SETD1A: variants seen among roughly 807,000 people sequenced by gnomAD.
SETD1A encodes the protein histone-lysine N-methyltransferase SETD1A.
Under a neutral mutation model 149.9 loss-of-function variants are expected in SETD1A, and 29 were observed. The observed-to-expected ratio is 0.19, with a 90% confidence interval of 0.14 to 0.26. The LOEUF (loss-of-function observed/expected upper bound fraction) is 0.26. Among genes scored for constraint, SETD1A ranks in the 10% least tolerant of loss-of-function variants. The pLI, the probability that SETD1A is intolerant of heterozygous loss-of-function variation, is 1.00. For missense variants in SETD1A, 2,109 were observed against 2,353.1 expected, an observed-to-expected ratio of 0.90 and a Z score of 2.15; for synonymous variants, 1,141 against 968.5, an observed-to-expected ratio of 1.18 and a Z score of -3.31.
rs200829181 is a variant in SETD1A, at chr16:30,964,281, G to C, written c.827G>C (p.Arg276Pro). 6.2e-7 allele frequency: 1 copy of C among 1,613,988 alleles called. No homozygotes were observed. Reference sequence around the variant, plus strand: ...TCCCAAGGAACCCCCTACACGTCTCGGGGCAGCACCCCCTACTCTCAGGAC... The same window carrying C: ...TCCCAAGGAACCCCCTACACGTCTCCGGGCAGCACCCCCTACTCTCAGGAC... Reference protein sequence around the residue: ...QSSQGTPYTSRGSTPYSQDSA... With the variant: ...QSSQGTPYTSPGSTPYSQDSA... The change falls in exon 6 of 19, where the codon CGG becomes CCG. Residue 276 changes from arginine to proline, a missense_variant. By Grantham distance (103) the Arg-to-Pro change is moderately radical. Coordinates refer to ENST00000262519, the MANE Select transcript of SETD1A (RefSeq NM_014712.3).
At position 30,964,414 on chromosome 16, in the gene SETD1A, G is replaced by T. The variant is rs2056105167; in HGVS notation, c.869+91G>T. 3 of 1,343,778 alleles carry T rather than the reference G, an allele frequency of 2.2e-6. No homozygotes were observed. The East Asian group carries it at 7.1e-5, about 32-fold the overall frequency. 83.2% of individuals were successfully genotyped at this position (1,343,778 alleles called of 1,614,324 possible). ...GCCCAGAGTCTGTCTCCAAGAGGGA[G>T]TTGGAAATAATTTGTCCTAGTTTCT... On this transcript the variant is annotated intron_variant, in intron 6 of 18. Transcript: ENST00000262519.
intron 5 of SETD1A, 50 bp from the exon 6 acceptor site, chr16:30,964,044 A>G: frequency 1.4e-6 from 2 of 1,434,574 alleles, no homozygotes; most frequent in Non-Finnish European, 1.9e-6. Flanking sequence ...GCAGGTCTCA[A>G]GTGGTGTTTG....
rs947890440 is a variant in SETD1A at position 30,979,167 on chromosome 16, C to T, written c.3381C>T (p.Pro1127=). 4 of 1,577,750 alleles carry T rather than the reference C, an allele frequency of 2.5e-6. No homozygotes were observed. The highest frequency in any genetic ancestry group is 2.6e-6 in the Non-Finnish European group (3 of 1,162,348). ...RPAGPTEESP[P]SAPLRPPEPP... is the part of the protein sequence containing the mutation. ...CAGGCCCCACGGAGGAGTCACCCCC[C>T]AGTGCGCCTCTGCGTCCCCCAGAAC... Residue 1127 remains proline, a synonymous_variant, in exon 14 of 19, where the codon CCC becomes CCT. Transcript: ENST00000262519.
At position 30,963,423 on chromosome 16, in the gene SETD1A, C is replaced by T. The variant is rs188466719; in HGVS notation, c.518-10C>T. 9.8e-3 allele frequency: 15,560 copies of T among 1,588,202 alleles called. 89 individuals carry two copies. Among genetic ancestry groups the T allele is most frequent in the Non-Finnish European group, 0.012 (13,852 of 1,167,248 alleles). ...CATCTGACAATTGGTTCCCATTTCC[C>T]TCCCTCCAGGACAACAACGAATGAA... On this transcript the variant is annotated splice_polypyrimidine_tract_variant and intron_variant, in intron 4 of 18. Coordinates refer to ENST00000262519, the MANE Select transcript of SETD1A (RefSeq NM_014712.3).
rs1196395076 is a variant in SETD1A, at chr16:30,961,498, G to A, written c.478G>A (p.Val160Ile). ...GGTCAAAAACCTCCACCTTACCTCC[G>A]TCATGGGCAACATCATCCATGCCCA... Reference protein sequence around the residue: ...ETVKNLHLTSVMGNIIHAQLD... With the variant: ...ETVKNLHLTSIMGNIIHAQLD... Residue 160 changes from valine to isoleucine, a missense_variant, in exon 4 of 19, where the codon GTC (valine) becomes ATC (isoleucine). Val to Ile is a conservative substitution (Grantham distance 29). This residue lies in a region of SETD1A where 62 missense variants were observed against 149.5 expected (regional missense o/e 0.41). Coordinates refer to ENST00000262519, the MANE Select transcript of SETD1A (RefSeq NM_014712.3). This position sits in a 1 kb window ranked among gnomAD's most constrained non-coding sequence, Gnocchi z 4.0. 5.0e-6 allele frequency: 8 copies of A among 1,614,014 alleles called. No individual in the cohort carries two copies. Among genetic ancestry groups the A allele is most frequent in the Admixed American group, 1.7e-5 (1 of 60,006 alleles).
At chr16:30,968,482 A>G (rs1178401045) in intron 10 of SETD1A, among the ~76,000 whole-genome samples, 1 of 151,236 alleles carries the variant, frequency 6.6e-6, no homozygotes, top group Admixed American at 6.6e-5. Context: ...ACACACACAT[A>G]TATATATACA....
intron 10 of SETD1A, among the ~76,000 whole-genome samples, chr16:30,968,805 A>G (rs1436639820): frequency 6.6e-6 from 1 of 151,610 alleles, no homozygotes; most frequent in South Asian, 2.1e-4. Context: ...GTCTCAAAAA[A>G]AAAAATATAT....
rs1416893118 is a variant in SETD1A, at chr16:30,980,254, C to T, written c.4408+60C>T. The T allele has an allele frequency of 2.0e-6, 3 of 1,521,888 alleles. No homozygotes were observed. The African/African-American group carries it at 4.1e-5, about 21-fold the overall frequency. The allele number at this position is 1,521,888 out of a possible 1,614,324, so 94.3% of individuals were successfully genotyped here. On this transcript the variant is annotated intron_variant, in intron 14 of 18. Transcript: ENST00000262519. This position sits in a 1 kb window ranked among gnomAD's most constrained non-coding sequence, Gnocchi z 7.7. ...GGTCCTCCCCCGACCCCTCCAGGCACCTGCATCTGTGCCCCACTCTGTCTG... is the reference window on the plus strand; with the variant it reads ...GGTCCTCCCCCGACCCCTCCAGGCATCTGCATCTGTGCCCCACTCTGTCTG...
At chr16:30,981,210 C>G (rs1205238042) in intron 17 of SETD1A, 30 bp downstream of exon 17, 1 of 1,612,358 alleles carries the variant, frequency 6.2e-7, no homozygotes, top group Non-Finnish European at 8.5e-7. Flanking sequence ...CCCGCCCCGG[C>G]TTCTGATGCA....
Position 30,967,196 on chromosome 16 carries a change from C to T in SETD1A, c.2682+136C>T, listed in dbSNP as rs1052294477. 4 of 695,824 alleles carry T rather than the reference C, an allele frequency of 5.7e-6. No individual in the cohort carries two copies. The Admixed American group carries it at 9.2e-5, about 16-fold the overall frequency. 43.1% of individuals were successfully genotyped at this position (695,824 alleles called of 1,614,324 possible). On this transcript the variant is annotated intron_variant, in intron 9 of 18. Coordinates refer to ENST00000262519, the MANE Select transcript of SETD1A (RefSeq NM_014712.3). The stretch of plus-strand genomic sequence containing the variant: ...TGAGATGGAGTCTTACTCTGTTGCC[C>T]AGGCTGGAGTGCAGTGGCCTGATCT...
rs145879879 is a variant in SETD1A, at chr16:30,964,153, G to A, written c.699G>A (p.Ala233=). The change falls in exon 6 of 19, where the codon GCG becomes GCA. Residue 233 remains alanine (A), a synonymous_variant. Coordinates refer to ENST00000262519, the MANE Select transcript of SETD1A (RefSeq NM_014712.3). ...CTGCCTACCCAGCAGGCACCACTGC[G>A]GTGGGCACTCCTGGCAACGGCACCC... ...DTAAYPAGTT[A]VGTPGNGTPC... 4.0e-5 allele frequency: 65 copies of A among 1,614,020 alleles called. No homozygotes were observed. The African/African-American group carries it at 5.2e-4, about 13-fold the overall frequency.
intron 6 of SETD1A, 56 bp downstream of exon 6, chr16:30,964,379 G>A (rs1453075963): frequency 7.0e-7 from 1 of 1,437,056 alleles, no homozygotes; most frequent in East Asian, 2.3e-5. Flanking sequence ...GCTGCCACTG[G>A]GAAGAAGATG....
chr16:30,972,198 C>T (rs1010945605), intron 13 of SETD1A, among the ~76,000 whole-genome samples: 10 of 152,154 alleles, frequency 6.6e-5, no homozygotes, highest in East Asian at 3.9e-4. Context: ...CTGAGGGAAC[C>T]GCTCTTTCAA....
intron 17 of SETD1A, among the ~76,000 whole-genome samples, chr16:30,981,829 T>G (rs1311172052): frequency 6.6e-6 from 1 of 152,130 alleles, no homozygotes; most frequent in Non-Finnish European, 1.5e-5. Flanking sequence ...TACATGGCTG[T>G]GGTCCCAGCT....
chr16:30,967,153 T>C lies in SETD1A; in HGVS notation c.2682+93T>C. On this transcript the variant is annotated intron_variant, in intron 9 of 18. Coordinates refer to ENST00000262519, the MANE Select transcript of SETD1A (RefSeq NM_014712.3). ...GGGGTGGTCAGGAACCATGAGTGTT[T>C]GAGTTTTTTCTTTTTTTTGAGATGG... The C allele has an allele frequency of 4.0e-6, 4 of 990,650 alleles. No individual in the cohort carries two copies. The South Asian group carries it at 5.2e-5, about 13-fold the overall frequency. 61.4% of individuals were successfully genotyped at this position (990,650 alleles called of 1,614,324 possible).
At chr16:30,969,883 C>T (rs953065893) in intron 12 of SETD1A, among the ~76,000 whole-genome samples, 194 bp downstream of exon 12, 8 of 152,216 alleles carry the variant, frequency 5.3e-5, no homozygotes, top group Non-Finnish European at 1.0e-4. Flanking sequence ...GCTCAAAATG[C>T]TCCCTCCTGC....
Position 30,980,935 on chromosome 16 carries a change from T to C in SETD1A, c.4692+86T>C. 6.4e-7 allele frequency: 1 copy of C among 1,566,336 alleles called. No individual in the cohort carries two copies. Among genetic ancestry groups the C allele is most frequent in the Non-Finnish European group, 8.7e-7 (1 of 1,147,794 alleles). On this transcript the variant is annotated intron_variant, in intron 16 of 18. Coordinates refer to ENST00000262519, the MANE Select transcript of SETD1A (RefSeq NM_014712.3). This position sits in a 1 kb window ranked among gnomAD's most constrained non-coding sequence, Gnocchi z 7.7. ...CAGGGGACCACCCAGCAGGCTCCTG[T>C]GGTTCCCTCGGGTGGAGTTGGGGGG...
chr16:30,980,286 C>G lies in SETD1A; in HGVS notation c.4408+92C>G. The stretch of plus-strand genomic sequence containing the variant: ...CTGTGCCCCACTCTGTCTGCCTCCC[C>G]TCTGGCTCCAAGCCATCTTTTCTCT... On this transcript the variant is annotated intron_variant, in intron 14 of 18. Coordinates refer to ENST00000262519, the MANE Select transcript of SETD1A (RefSeq NM_014712.3). This position sits in a 1 kb window ranked among gnomAD's most constrained non-coding sequence, Gnocchi z 7.7. The G allele has an allele frequency of 6.8e-7, 1 of 1,469,812 alleles. No individual in the cohort carries two copies. The highest frequency in any genetic ancestry group is 2.4e-5 in the East Asian group (1 of 41,608). The allele number at this position is 1,469,812 out of a possible 1,614,324, so 91.0% of individuals were successfully genotyped here.
chr16:30,969,348 G>C lies in SETD1A; in HGVS notation c.2814G>C (p.Gly938=), dbSNP rs760023050. Residue 938 remains glycine (G), a synonymous_variant, in exon 11 of 19, where the codon GGG becomes GGC. Transcript: ENST00000262519. Reference sequence around the variant, plus strand: ...AGGCTGGAGAGCCAGGACGTCCGGGGACCAAGCCCCCGAAGCGGGACGAAG... The same window carrying C: ...AGGCTGGAGAGCCAGGACGTCCGGGCACCAAGCCCCCGAAGCGGGACGAAG... ...EKEAGEPGRP[G]TKPPKRDEER... 2.5e-6 allele frequency: 4 copies of C among 1,614,184 alleles called. No homozygotes were observed. The Admixed American group carries it at 6.7e-5, about 27-fold the overall frequency.
Sources: allele counts gnomAD v4.1 joint callset (sites outside exome capture counted in the v4.1 genomes callset), GRCh38; gene constraint gnomAD v4.1.1; regional missense constraint gnomAD v4.1.1; non-coding constraint Gnocchi (gnomAD v3.1); transcripts MANE v1.5; gene names NCBI Gene and HGNC (gene_info 2026-07-23, HGNC 2026-07-21).